The following ARHGEF18 variants were observed in gnomAD, a reference collection of about 807,000 sequenced individuals.
ARHGEF18 encodes Rho/Rac guanine nucleotide exchange factor 18, also known as rho guanine nucleotide exchange factor 18.
A neutral mutation model predicts 155.7 loss-of-function variants in ARHGEF18; 93 were observed. That is an observed-to-expected ratio of 0.60 (90% CI 0.50 to 0.71). The LOEUF is 0.71. ARHGEF18 is among the 30% of genes least tolerant of loss of function. The pLI, the probability that ARHGEF18 is intolerant of heterozygous loss-of-function variation, is 0.00. For missense variants in ARHGEF18, 1,593 were observed against 1,816.1 expected (o/e 0.88, Z 2.23); for synonymous variants, 742 against 753.1 (o/e 0.99, Z 0.24).
rs952877647 is a variant in ARHGEF18, at chr19:7,472,327, G to A, written c.*2029G>A. 6.6e-6 allele frequency: 1 copy of A among 152,578 alleles called. No individual in the cohort carries two copies. Among genetic ancestry groups the A allele is most frequent in the Non-Finnish European group, 1.5e-5 (1 of 68,176 alleles). The allele number at this position is 152,578 out of a possible 1,614,324, so 9.5% of individuals were successfully genotyped here. A position where few individuals can be genotyped will look rare whatever the true frequency, so the allele number is the denominator to read the frequency against. On this transcript the variant is annotated 3_prime_UTR_variant, in exon 29 of 29. Coordinates refer to ENST00000668164, the MANE Select transcript of ARHGEF18 (RefSeq NM_001367823.1). ...GTCGAGCAAATGTTCCTATTTTCGT[G>A]GGATCTGCACACGTCTTTGTCAGTT...
rs766925469 is a variant in ARHGEF18 at position 7,462,607 on chromosome 19, G to C, written c.2635+273G>C. Among the ~76,000 whole-genome samples the C allele has an allele frequency of 6.6e-6, 1 of 151,724 alleles. No homozygotes were observed. Among genetic ancestry groups the C allele is most frequent in the Non-Finnish European group, 1.5e-5 (1 of 68,036 alleles). ...CGCTCTGATGCTCCCTGCATGCAGAGGCTCTAAGCCGGGCCGTGGGGAGGA... is the reference window on the plus strand; with the variant it reads ...CGCTCTGATGCTCCCTGCATGCAGACGCTCTAAGCCGGGCCGTGGGGAGGA... On this transcript the variant is annotated intron_variant, in intron 21 of 28. Transcript: ENST00000668164. This position sits in a 1 kb window ranked among gnomAD's most constrained non-coding sequence, Gnocchi z 4.4.
chr19:7,465,144 C>T (rs1340007212), intron 23 of ARHGEF18, among the ~76,000 whole-genome samples: 2 of 152,228 alleles, frequency 1.3e-5, no homozygotes, highest in Non-Finnish European at 2.9e-5. Context: ...GAGGCTTGGA[C>T]TTGCCCCTGT....
chr19:7,474,242 G>A (rs1977162180), downstream of ARHGEF18, among the ~76,000 whole-genome samples: 1 of 151,946 alleles, frequency 6.6e-6, no homozygotes, highest in Non-Finnish European at 1.5e-5. Flanking sequence ...TGGGGGCTGA[G>A]GCAAGAGAAG....
chr19:7,479,090 A>C, the ARHGEF18 span, among the ~76,000 whole-genome samples: 1 of 152,310 alleles, frequency 6.6e-6, no homozygotes, highest in South Asian at 2.1e-4. Context: ...CTGGGTACCC[A>C]GGGTGCAGGA....
chr19:7,360,861 T>G (rs2145335800), intron 1 of ARHGEF18, among the ~76,000 whole-genome samples: 1 of 152,276 alleles, frequency 6.6e-6, no homozygotes, highest in South Asian at 2.1e-4. Context: ...GATGCAAAGC[T>G]TAACAACAGC....
Position 7,373,046 on chromosome 19 carries a change from CG to C in ARHGEF18, c.252del (p.Ser85AlafsTer31), listed in dbSNP as rs1970273720. On this transcript the variant is annotated frameshift_variant, in exon 3 of 29. Coordinates refer to ENST00000668164, the MANE Select transcript of ARHGEF18 (RefSeq NM_001367823.1). LOFTEE classifies it high-confidence loss of function. The part of the protein sequence containing the change: ...LSRRRSWERS[R>X]SCSESWRRLS... ...AAGGCGGCGCAGCTGGGAAAGGTCGCGGAGCTGCTCAGAGAGCTGGCGGAGG... is the reference window on the plus strand; with the variant it reads ...AAGGCGGCGCAGCTGGGAAAGGTCGCGAGCTGCTCAGAGAGCTGGCGGAGG... The C allele has an allele frequency of 8.1e-7, 1 of 1,234,410 alleles. No individual in the cohort carries two copies. Among genetic ancestry groups the C allele is most frequent in the Non-Finnish European group, 1.0e-6 (1 of 988,216 alleles). 76.5% of individuals were successfully genotyped at this position (1,234,410 alleles called of 1,614,324 possible).
chr19:7,385,427 C>T (rs1234157438), intron 10 of ARHGEF18, among the ~76,000 whole-genome samples: 1 of 150,308 alleles, frequency 6.7e-6, no homozygotes, highest in Non-Finnish European at 1.5e-5. Context: ...AGAGCGTCGC[C>T]GTCATCTGGG....
downstream of ARHGEF18, chr19:7,476,948 T>A: frequency 2.5e-6 from 1 of 405,264 alleles, no homozygotes; most frequent in Non-Finnish European, 4.4e-6. Context: ...TTCCTCATCT[T>A]GATTTGGATA....
intron 15 of ARHGEF18, 138 bp downstream of exon 15, chr19:7,447,306 T>C (rs1975061436): frequency 2.8e-6 from 2 of 704,086 alleles, no homozygotes; most frequent in Non-Finnish European, 4.3e-6. Context: ...CTGGCCAACA[T>C]GGTGAAACCC....
chr19:7,452,191 C>T (rs1036746078), intron 16 of ARHGEF18, among the ~76,000 whole-genome samples: 15 of 152,188 alleles, frequency 9.9e-5, no homozygotes, highest in African/African-American at 3.6e-4. Flanking sequence ...GAGACGGTGC[C>T]CTGGTGGTTC....
chr19:7,407,261 A>G (rs927067279), intron 10 of ARHGEF18, among the ~76,000 whole-genome samples: 11 of 141,374 alleles, frequency 7.8e-5, no homozygotes, highest in Admixed American at 3.5e-4. Flanking sequence ...CCCCGTCTCT[A>G]CTAAAAATGC....
chr19:7,441,909 C>T lies in ARHGEF18; in HGVS notation c.1220-3C>T, dbSNP rs772761795. ...CAGCAGCCACACCTCGCTCTTCCCT[C>T]AGATCCCTACACCGCCTCGCTGAGG... On this transcript the variant is annotated splice_polypyrimidine_tract_variant and splice_region_variant and intron_variant, in intron 12 of 28. Coordinates refer to ENST00000668164, the MANE Select transcript of ARHGEF18 (RefSeq NM_001367823.1). 6.8e-6 allele frequency: 11 copies of T among 1,614,026 alleles called. No individual in the cohort carries two copies. Among genetic ancestry groups the T allele is most frequent in the Non-Finnish European group, 9.3e-6 (11 of 1,179,980 alleles).
intron 10 of ARHGEF18, among the ~76,000 whole-genome samples, chr19:7,385,443 C>CATTATTATTATTT (rs1970953692): frequency 7.3e-6 from 1 of 136,664 alleles, no homozygotes; most frequent in Non-Finnish European, 1.6e-5. Context: ...CTGGGAACTT[C>CATTATTATTATTT]ATTATTATTA....
rs1204380614 is a variant in ARHGEF18, at chr19:7,463,710, C to A, written c.2636-108C>A. On this transcript the variant is annotated intron_variant, in intron 21 of 28. Transcript: ENST00000668164. The surrounding 1 kb of genome is among the most constrained non-coding windows in gnomAD (Gnocchi z 5.2). ...CACAGAAGGGGGCAGGCGATCACCA[C>A]CCCAGTGAGTCCCTCCGTCCACCCG... The A allele has an allele frequency of 2.0e-5, 27 of 1,349,152 alleles. No homozygotes were observed. Among genetic ancestry groups the A allele is most frequent in the Non-Finnish European group, 2.6e-5 (26 of 1,002,188 alleles). 83.6% of individuals were successfully genotyped at this position (1,349,152 alleles called of 1,614,324 possible).
intron 10 of ARHGEF18, among the ~76,000 whole-genome samples, chr19:7,394,608 T>TC (rs757892431): frequency 2.2e-4 from 32 of 145,928 alleles, no homozygotes; most frequent in Middle Eastern, 3.7e-3. Flanking sequence ...TCCCTCGGGG[T>TC]CCCCCCAACC....
intron 15 of ARHGEF18, among the ~76,000 whole-genome samples, chr19:7,448,431 G>A (rs1469753483): frequency 6.6e-6 from 1 of 152,210 alleles, no homozygotes; most frequent in Non-Finnish European, 1.5e-5. Flanking sequence ...GGAGGCCAAG[G>A]CGGGTGGATC....
chr19:7,409,951 A>ATT (rs5826969), intron 10 of ARHGEF18, among the ~76,000 whole-genome samples: 4,916 of 123,772 alleles, frequency 0.04, 306 homozygotes, highest in African/African-American at 0.13. Context: ...TTTTTTTTGT[A>ATT]TTTTTTTTTT....
chr19:7,352,551 T>TTTTTTA (rs1969183867), intron 1 of ARHGEF18, among the ~76,000 whole-genome samples: 1 of 143,872 alleles, frequency 7.0e-6, no homozygotes, highest in African/African-American at 2.6e-5. Context: ...TTTTTTTTTT[T>TTTTTTA]GAGATGGAAT....
At chr19:7,466,824 A>AGG (rs1976642384) in intron 23 of ARHGEF18, 94 bp from the exon 24 acceptor site, 18 of 1,152,984 alleles carry the variant, frequency 1.6e-5, no homozygotes, top group Non-Finnish European at 2.0e-5. Context: ...AAAAAAAAAA[A>AGG]AAGTTAAAAA....
Sources: allele counts gnomAD v4.1 joint callset (sites outside exome capture counted in the v4.1 genomes callset), GRCh38; gene constraint gnomAD v4.1.1; non-coding constraint Gnocchi (gnomAD v3.1); transcripts MANE v1.5; gene names NCBI Gene and HGNC (gene_info 2026-07-23, HGNC 2026-07-21).